The following TFAP2C variants were observed in gnomAD, a reference collection of about 807,000 sequenced individuals.
The protein encoded by TFAP2C is activating enhancer-binding protein 2 gamma.
A neutral mutation model predicts 42.9 loss-of-function variants in TFAP2C; 9 were observed. The ratio of observed to expected loss-of-function variants is 0.21; its 90% CI spans 0.13 to 0.37. TFAP2C has a LOEUF of 0.37. Ranked by LOEUF, TFAP2C falls within the 10% of genes least tolerant of loss-of-function variation. The pLI is 1.00. For missense variants in TFAP2C, 462 were observed against 591.7 expected, an observed-to-expected ratio of 0.78 and a Z score of 2.27; for synonymous variants, 264 against 256.0, an observed-to-expected ratio of 1.03 and a Z score of -0.30.
intron 6 of TFAP2C, 66 bp from the exon 7 acceptor site, chr20:56,637,662 G>C: frequency 4.5e-6 from 7 of 1,545,972 alleles, no homozygotes; most frequent in Non-Finnish European, 5.3e-6. Context: ...CAGTGTAGTT[G>C]GTTCTGTGCT....
In TFAP2C at chr20:56,637,984, C is replaced by G; in HGVS notation, c.1324C>G (p.Leu442Val). ...GAGTCCAGCTGATTCTAACAAAACC[C>G]TGGAGAAAATGGAGAAACACAGGAA... Reference protein sequence around the residue: ...DQSPADSNKTLEKMEKHRK With the variant: ...DQSPADSNKTVEKMEKHRK Residue 442 changes from leucine to valine, a missense_variant, in exon 7 of 7, where the codon CTG (leucine) becomes GTG (valine). By Grantham distance (32) the Leu-to-Val change is conservative. This residue lies in a region of TFAP2C where 130 missense variants were observed against 160.8 expected (regional missense o/e 0.81). Coordinates refer to ENST00000201031, the MANE Select transcript of TFAP2C (RefSeq NM_003222.4). The G allele has an allele frequency of 6.2e-7, 1 of 1,613,570 alleles. No homozygotes were observed. Among genetic ancestry groups the G allele is most frequent in the Non-Finnish European group, 8.5e-7 (1 of 1,179,626 alleles).
At position 56,633,507 on chromosome 20, in the gene TFAP2C, A is replaced by G; in HGVS notation, c.741A>G (p.Val247=). The G allele has an allele frequency of 6.2e-7, 1 of 1,614,204 alleles. No homozygotes were observed. The highest frequency in any genetic ancestry group is 1.3e-5 in the African/African-American group (1 of 75,056). The change falls in exon 4 of 7, where the codon GTA becomes GTG. Residue 247 remains valine, a synonymous_variant. Transcript: ENST00000201031. The stretch of plus-strand genomic sequence containing the variant: ...AATACAAAGTGACAGTGGCTGAAGT[A>G]CAGAGGCGACTGTCCCCACCTGAAT... ...TSKYKVTVAE[V]QRRLSPPECL... is the part of the protein sequence containing the mutation.
At chr20:56,633,613 G>A (rs752619689) in intron 4 of TFAP2C, 44 bp downstream of exon 4, 2 of 1,485,214 alleles carry the variant, frequency 1.3e-6, no homozygotes, top group Admixed American at 3.4e-5. Flanking sequence ...GGTAGTTGAA[G>A]GTGAGTGTAT....
chr20:56,633,385 C>T lies in TFAP2C; in HGVS notation c.619C>T (p.Leu207Phe). ...TTCCATGACCAAGAACCCTCTGAAC[C>T]TCCCCTGTCAGAAGGAGCTGGTGGG... is the stretch of plus-strand genomic sequence containing the variant. ...PISMTKNPLN[L>F]PCQKELVGAV... is the part of the protein sequence containing the mutation. The change falls in exon 4 of 7, where the codon CTC (leucine) becomes TTC (phenylalanine). Residue 207 changes from leucine (L) to phenylalanine (F), a missense_variant. Coordinates refer to ENST00000201031, the MANE Select transcript of TFAP2C (RefSeq NM_003222.4). The T allele has an allele frequency of 6.2e-7, 1 of 1,613,986 alleles. No individual in the cohort carries two copies. Among genetic ancestry groups the T allele is most frequent in the Non-Finnish European group, 8.5e-7 (1 of 1,180,000 alleles).
At position 56,629,666 on chromosome 20, in the gene TFAP2C, T is replaced by C. The variant is rs913183794; in HGVS notation, c.48+74T>C. On this transcript the variant is annotated intron_variant, in intron 1 of 6. Coordinates refer to ENST00000201031, the MANE Select transcript of TFAP2C (RefSeq NM_003222.4). This position sits in a 1 kb window ranked among gnomAD's most constrained non-coding sequence, Gnocchi z 5.9. ...GGAGGCAGGGGCCACTGGACCGAGG[T>C]CGGGGACGAGGGCATAGGAGCCCTG... 14 of 1,234,280 alleles carry C rather than the reference T, an allele frequency of 1.1e-5. No homozygotes were observed. The highest frequency in any genetic ancestry group is 1.4e-5 in the Non-Finnish European group (13 of 953,730). 76.5% of individuals were successfully genotyped at this position (1,234,280 alleles called of 1,614,324 possible).
At position 56,633,414 on chromosome 20, in the gene TFAP2C, C is replaced by T. The variant is rs149218262; in HGVS notation, c.648C>T (p.Ala216=). ...NLPCQKELVG[A]VMNPTEVFCS... ...CCTGTCAGAAGGAGCTGGTGGGGGCCGTAATGAACCCCACTGAGGTCTTCT... is the reference window on the plus strand; with the variant it reads ...CCTGTCAGAAGGAGCTGGTGGGGGCTGTAATGAACCCCACTGAGGTCTTCT... The change falls in exon 4 of 7, where the codon GCC becomes GCT. Residue 216 remains alanine (A), a synonymous_variant. Transcript: ENST00000201031. 5.6e-5 allele frequency: 90 copies of T among 1,614,064 alleles called. No individual in the cohort carries two copies. Among genetic ancestry groups the T allele is most frequent in the African/African-American group, 2.8e-4 (21 of 75,014 alleles).
rs1987463003 is a variant in TFAP2C at position 56,630,325 on chromosome 20, C to G, written c.48+733C>G. ...GGCCCTGGAGGGCTGCCCCTGCCCG[C>G]AGGCCCGGGCGCTTCCGCCAGGAGG... On this transcript the variant is annotated intron_variant, in intron 1 of 6. Coordinates refer to ENST00000201031, the MANE Select transcript of TFAP2C (RefSeq NM_003222.4). The surrounding 1 kb of genome is among the most constrained non-coding windows in gnomAD (Gnocchi z 5.1). The G allele has an allele frequency of 2.4e-6, 1 of 424,344 alleles. No homozygotes were observed. Among genetic ancestry groups the G allele is most frequent in the African/African-American group, 2.1e-5 (1 of 47,882 alleles). The allele number at this position is 424,344 out of a possible 1,614,324, so 26.3% of individuals were successfully genotyped here.
rs1987447030 is a variant in TFAP2C at position 56,629,651 on chromosome 20, G to T, written c.48+59G>T. 1 of 1,321,610 alleles carries T rather than the reference G, an allele frequency of 7.6e-7. No homozygotes were observed. 81.9% of individuals were successfully genotyped at this position (1,321,610 alleles called of 1,614,324 possible). A position where few individuals can be genotyped will look rare whatever the true frequency, so the allele number is the denominator to read the frequency against. Reference sequence around the variant, plus strand: ...GCCGAGGACAGTCCGGGAGGCAGGGGCCACTGGACCGAGGTCGGGGACGAG... The same window carrying T: ...GCCGAGGACAGTCCGGGAGGCAGGGTCCACTGGACCGAGGTCGGGGACGAG... On this transcript the variant is annotated intron_variant, in intron 1 of 6. Transcript: ENST00000201031. The surrounding 1 kb of genome is among the most constrained non-coding windows in gnomAD (Gnocchi z 5.9).
At chr20:56,634,293 C>T (rs1275894521) in intron 5 of TFAP2C, 25 bp downstream of exon 5, 9 of 1,534,304 alleles carry the variant, frequency 5.9e-6, no homozygotes, top group South Asian at 2.3e-5. Flanking sequence ...GTTTTTGGTT[C>T]GTGATGTTTT....
chr20:56,635,233 C>T (rs1160978319), intron 5 of TFAP2C, among the ~76,000 whole-genome samples: 1 of 152,164 alleles, frequency 6.6e-6, no homozygotes, highest in Non-Finnish European at 1.5e-5. Context: ...GTAGAATCGG[C>T]GGTTCTGCTG....
Position 56,631,305 on chromosome 20 carries a change from G to A in TFAP2C, c.149G>A (p.Gly50Glu), listed in dbSNP as rs1478528051. The A allele has an allele frequency of 6.2e-7, 1 of 1,607,884 alleles. No individual in the cohort carries two copies. Among genetic ancestry groups the A allele is most frequent in the African/African-American group, 1.3e-5 (1 of 74,424 alleles). The change falls in exon 2 of 7, where the codon GGA (glycine) becomes GAA (glutamate). Residue 50 changes from glycine to glutamate, a missense_variant. Coordinates refer to ENST00000201031, the MANE Select transcript of TFAP2C (RefSeq NM_003222.4). This position sits in a 1 kb window ranked among gnomAD's most constrained non-coding sequence, Gnocchi z 6.1. The stretch of plus-strand genomic sequence containing the variant: ...CCCGCGCCACCCCTCTCCCACACTG[G>A]AGTCGCCGAATATCAGCCGCCACCC... ...YSPAPPLSHT[G>E]VAEYQPPPYF...
chr20:56,629,660 C>T lies in TFAP2C; in HGVS notation c.48+68C>T. ...AGTCCGGGAGGCAGGGGCCACTGGA[C>T]CGAGGTCGGGGACGAGGGCATAGGA... On this transcript the variant is annotated intron_variant, in intron 1 of 6. Transcript: ENST00000201031. This position sits in a 1 kb window ranked among gnomAD's most constrained non-coding sequence, Gnocchi z 5.9. 7.8e-7 allele frequency: 1 copy of T among 1,282,672 alleles called. No homozygotes were observed. Among genetic ancestry groups the T allele is most frequent in the Non-Finnish European group, 1.0e-6 (1 of 991,340 alleles). The allele number at this position is 1,282,672 out of a possible 1,614,324, so 79.5% of individuals were successfully genotyped here.
rs1987446025 is a variant in TFAP2C, at chr20:56,629,608, G to A, written c.48+16G>A. The A allele has an allele frequency of 1.3e-5, 18 of 1,406,362 alleles. No individual in the cohort carries two copies. Among genetic ancestry groups the A allele is most frequent in the Non-Finnish European group, 1.7e-5 (18 of 1,080,818 alleles). The allele number at this position is 1,406,362 out of a possible 1,614,324, so 87.1% of individuals were successfully genotyped here. On this transcript the variant is annotated intron_variant, in intron 1 of 6. Transcript: ENST00000201031. The surrounding 1 kb of genome is among the most constrained non-coding windows in gnomAD (Gnocchi z 5.9). ...GGACTGCGAGGTGAGCTGGGGCTCC[G>A]GGGTGCAGCCCCGCCCCGCCGAGGA...
chr20:56,629,967 G>C lies in TFAP2C; in HGVS notation c.48+375G>C, dbSNP rs899247224. Among the ~76,000 whole-genome samples, 5 of 152,120 alleles carry C rather than the reference G, an allele frequency of 3.3e-5. No individual in the cohort carries two copies. The highest frequency in any genetic ancestry group is 5.9e-5 in the Non-Finnish European group (4 of 68,020). On this transcript the variant is annotated intron_variant, in intron 1 of 6. Coordinates refer to ENST00000201031, the MANE Select transcript of TFAP2C (RefSeq NM_003222.4). This position sits in a 1 kb window ranked among gnomAD's most constrained non-coding sequence, Gnocchi z 5.9. ...CCAAAGGGGTCAGATGAGGCTACCTGCTAGCGACACCTTGGCGGACACTCC... is the reference window on the plus strand; with the variant it reads ...CCAAAGGGGTCAGATGAGGCTACCTCCTAGCGACACCTTGGCGGACACTCC...
At position 56,638,264 on chromosome 20, in the gene TFAP2C, C is replaced by A; in HGVS notation, c.*251C>A. The A allele has an allele frequency of 2.8e-6, 1 of 356,506 alleles. No individual in the cohort carries two copies. The highest frequency in any genetic ancestry group is 5.0e-6 in the Non-Finnish European group (1 of 198,826). 22.1% of individuals were successfully genotyped at this position (356,506 alleles called of 1,614,324 possible). ...AAGTACTGGCTCTTTATTCATTAAG[C>A]TTTTTTTTTTTGAACCCCATTCTTT... On this transcript the variant is annotated 3_prime_UTR_variant, in exon 7 of 7. Coordinates refer to ENST00000201031, the MANE Select transcript of TFAP2C (RefSeq NM_003222.4).
At chr20:56,637,030 G>A (rs1241797846) in intron 6 of TFAP2C, among the ~76,000 whole-genome samples, 1 of 152,132 alleles carries the variant, frequency 6.6e-6, no homozygotes, top group Non-Finnish European at 1.5e-5. Context: ...TATTGTGTTA[G>A]CATATCTTAC....
intron 5 of TFAP2C, 44 bp from the exon 6 acceptor site, chr20:56,636,566 T>A: frequency 6.4e-7 from 1 of 1,562,044 alleles, no homozygotes; most frequent in Non-Finnish European, 8.6e-7. Context: ...CAGTTTGGCC[T>A]CAGTGACCAC....
chr20:56,634,700 A>C (rs1438339851), intron 5 of TFAP2C, among the ~76,000 whole-genome samples: 1 of 152,070 alleles, frequency 6.6e-6, no homozygotes, highest in Non-Finnish European at 1.5e-5. Context: ...GTAGCTGGGG[A>C]TTGTGGTCAG....
chr20:56,631,468 C>T lies in TFAP2C; in HGVS notation c.312C>T (p.Pro104=), dbSNP rs181728691. The T allele has an allele frequency of 3.9e-6, 6 of 1,540,628 alleles. No homozygotes were observed. Among genetic ancestry groups the T allele is most frequent in the East Asian group, 5.0e-5 (2 of 40,036 alleles). The part of the protein sequence containing the change: ...APTGSQQQAW[P]GRQSQEGAGL... ...CAGGCAGCCAGCAGCAGGCCTGGCC[C>T]GGCCGCCAGAGCCAGGAGGGAGCGG... Residue 104 remains proline, a synonymous_variant, in exon 2 of 7, where the codon CCC becomes CCT. Transcript: ENST00000201031. The surrounding 1 kb of genome is among the most constrained non-coding windows in gnomAD (Gnocchi z 6.1).
Sources: gnomAD v4.1 joint callset for allele counts (sites outside exome capture counted in the v4.1 genomes callset) on GRCh38, gnomAD v4.1.1 for gene constraint, gnomAD v4.1.1 regional missense constraint, Gnocchi (gnomAD v3.1) non-coding constraint, MANE v1.5 for transcripts, NCBI Gene and HGNC (gene_info 2026-07-23, HGNC 2026-07-21) for gene names.